The following LUZP2 variants were observed in gnomAD, a reference collection of about 807,000 sequenced individuals.
LUZP2 encodes the protein leucine zipper protein 2.
Under a neutral mutation model 51.6 loss-of-function variants are expected in LUZP2, and 52 were observed. The ratio of observed to expected loss-of-function variants is 1.01; its 90% confidence interval spans 0.81 to 1.27. The LOEUF (loss-of-function observed/expected upper bound fraction) is 1.27, where lower values mean the gene tolerates loss of function less well. Among genes scored for constraint, LUZP2 ranks in the 50% most tolerant of loss-of-function variants. The pLI is 0.00. For synonymous variants in LUZP2, 154 were observed against 137.3 expected, an observed-to-expected ratio of 1.12 and a Z score of -0.85; for missense variants, 436 against 395.4, an observed-to-expected ratio of 1.10 and a Z score of -0.87.
At chr11:24,587,499 G>A (rs1360180467) in intron 1 of LUZP2, among the ~76,000 whole-genome samples, 1 of 152,118 alleles carries the variant, frequency 6.6e-6, no homozygotes, top group African/African-American at 2.4e-5. Context: ...TTTAGAGAAA[G>A]TTTGTGATCA....
intron 1 of LUZP2, among the ~76,000 whole-genome samples, chr11:24,697,839 C>T (rs377622943): frequency 2.8e-4 from 42 of 152,128 alleles, no homozygotes; most frequent in African/African-American, 9.4e-4. Flanking sequence ...TAAGGTTGGT[C>T]TTGAGATATT....
chr11:24,632,250 T>C (rs1854922961), intron 1 of LUZP2, among the ~76,000 whole-genome samples: 1 of 152,030 alleles, frequency 6.6e-6, no homozygotes, highest in African/African-American at 2.4e-5. Flanking sequence ...GAATATTTAT[T>C]CATATATTTG....
At chr11:24,979,941 A>G (rs1855979536) in intron 8 of LUZP2, among the ~76,000 whole-genome samples, 1 of 151,800 alleles carries the variant, frequency 6.6e-6, no homozygotes, top group African/African-American at 2.4e-5. Context: ...TATAATAAAT[A>G]CTTCTTAATT....
intron 1 of LUZP2, among the ~76,000 whole-genome samples, chr11:24,591,162 T>C (rs1326818614): frequency 6.6e-6 from 1 of 152,158 alleles, no homozygotes; most frequent in African/African-American, 2.4e-5. Flanking sequence ...ATATCCTTAG[T>C]TCTTCATAAT....
In LUZP2 at chr11:25,050,291, C is replaced by CTTTTTT. The variant is rs71044331; in HGVS notation, c.858+184_858+189dup. ...TAAGAAAGTAAATGTTCTTTATGTT[C>CTTTTTT]TTTTTTTTTTTTTTTTTTTTTTTTT... On this transcript the variant is annotated intron_variant, in intron 10 of 11. Transcript: ENST00000336930. 2.2e-3 allele frequency among the ~76,000 whole-genome samples: 170 copies of CTTTTTT among 77,204 alleles called. 22 individuals carry two copies. Among genetic ancestry groups the CTTTTTT allele is most frequent in the Non-Finnish European group, 2.8e-3 (115 of 41,336 alleles). The allele number at this position is 77,204 out of a possible 152,430, so 50.6% of individuals were successfully genotyped here.
chr11:24,834,516 T>A (rs2716503), intron 5 of LUZP2, among the ~76,000 whole-genome samples: 1 of 152,110 alleles, frequency 6.6e-6, no homozygotes, highest in African/African-American at 2.4e-5. Context: ...TGGGTTGGTT[T>A]GAAGTCTTTG....
intron 10 of LUZP2, among the ~76,000 whole-genome samples, chr11:25,060,924 A>G (rs1858816577): frequency 2.0e-5 from 3 of 152,060 alleles, no homozygotes; most frequent in Admixed American, 2.0e-4. Context: ...TAAAATTTTT[A>G]TCTGAAATAT....
At chr11:24,752,999 G>A (rs1250764391) in intron 4 of LUZP2, among the ~76,000 whole-genome samples, 1 of 151,892 alleles carries the variant, frequency 6.6e-6, no homozygotes, top group South Asian at 2.1e-4. Flanking sequence ...AAAAGAATTG[G>A]CAACAACATT....
In LUZP2 at chr11:24,637,957, T is replaced by A. The variant is rs544738163; in HGVS notation, c.63-91212T>A. ...AATAAAAACTTACTGGTTTTGCAGC[T>A]CAGGGTCACCATCATGGTCCTACCA... On this transcript the variant is annotated intron_variant, in intron 1 of 11. Transcript: ENST00000336930. Among the ~76,000 whole-genome samples the A allele has an allele frequency of 1.7e-3, 260 of 151,924 alleles. 1 individual carries two copies. The highest frequency in any genetic ancestry group is 3.9e-3 in the Admixed American group (59 of 15,272).
chr11:24,829,309 A>G (rs1026339019), intron 5 of LUZP2, among the ~76,000 whole-genome samples: 1 of 152,186 alleles, frequency 6.6e-6, no homozygotes, highest in African/African-American at 2.4e-5. Flanking sequence ...TGAAGTCAGA[A>G]GAGAAGTAAA....
At chr11:25,026,658 CTG>C (rs1191691105) in intron 9 of LUZP2, among the ~76,000 whole-genome samples, 2 of 151,894 alleles carry the variant, frequency 1.3e-5, no homozygotes, top group Non-Finnish European at 2.9e-5. Context: ...TTCTTAAACT[CTG>C]GGTTGTAGTT....
chr11:25,022,858 A>G (rs1356543755), intron 9 of LUZP2, among the ~76,000 whole-genome samples: 2 of 152,120 alleles, frequency 1.3e-5, no homozygotes, highest in Admixed American at 6.6e-5. Context: ...TCTGGCATGA[A>G]AGGCTGTTGA....
intron 5 of LUZP2, among the ~76,000 whole-genome samples, chr11:24,790,174 G>A (rs1391700760): frequency 1.3e-5 from 2 of 151,974 alleles, no homozygotes; most frequent in African/African-American, 4.8e-5. Flanking sequence ...AGCCTACATT[G>A]CACACAGCTA....
chr11:24,729,324 A>G (rs1858620157), intron 2 of LUZP2, 38 bp downstream of exon 2: 6 of 1,115,320 alleles, frequency 5.4e-6, no homozygotes, highest in Non-Finnish European at 7.6e-6. Context: ...GTAAAAGAGG[A>G]GCAGTCATCT....
intron 9 of LUZP2, among the ~76,000 whole-genome samples, chr11:25,045,680 C>A (rs1858283432): frequency 6.6e-6 from 1 of 152,122 alleles, no homozygotes; most frequent in African/African-American, 2.4e-5. Flanking sequence ...TACTGAATAT[C>A]TATGCTAAAA....
rs1281013294 is a variant in LUZP2 at position 24,566,569 on chromosome 11, T to TGTATA, written c.62+69264_62+69265insGTATA. Among the ~76,000 whole-genome samples, 191 of 142,092 alleles carry TGTATA rather than the reference T, an allele frequency of 1.3e-3. 1 individual carries two copies. Among genetic ancestry groups the TGTATA allele is most frequent in the Non-Finnish European group, 2.0e-3 (133 of 66,712 alleles). 93.2% of individuals were successfully genotyped at this position (142,092 alleles called of 152,430 possible). ...ATATATATATGTATGTGTATATATA[T>TGTATA]CTATACACATATATATGTATGTGTG... On this transcript the variant is annotated intron_variant, in intron 1 of 11. Transcript: ENST00000336930.
rs532683756 is a variant in LUZP2 at position 24,580,128 on chromosome 11, C to T, written c.62+82823C>T. Among the ~76,000 whole-genome samples, 424 of 151,930 alleles carry T rather than the reference C, an allele frequency of 2.8e-3. 13 individuals carry two copies. The highest frequency in any genetic ancestry group is 0.014 in the Middle Eastern group (4 of 294). On this transcript the variant is annotated intron_variant, in intron 1 of 11. Coordinates refer to ENST00000336930, the MANE Select transcript of LUZP2 (RefSeq NM_001009909.4). ...TTCTGTTTAATAGGATTAAGATATCCCTAGTTCCCTGATGTTTAATGATGT... is the reference window on the plus strand; with the variant it reads ...TTCTGTTTAATAGGATTAAGATATCTCTAGTTCCCTGATGTTTAATGATGT...
At chr11:24,727,791 C>T (rs1006249784) in intron 1 of LUZP2, among the ~76,000 whole-genome samples, 1 of 151,666 alleles carries the variant, frequency 6.6e-6, no homozygotes, top group Non-Finnish European at 1.5e-5. Context: ...TGGGCCATTC[C>T]GATTTCCTTT....
At chr11:24,924,220 G>A (rs1352160481) in intron 7 of LUZP2, among the ~76,000 whole-genome samples, 1 of 152,018 alleles carries the variant, frequency 6.6e-6, no homozygotes, top group African/African-American at 2.4e-5. Flanking sequence ...TGGGACTACA[G>A]GCACGTGCCA....
Sources: gnomAD v4.1 joint callset for allele counts (sites outside exome capture counted in the v4.1 genomes callset) on GRCh38, gnomAD v4.1.1 for gene constraint, MANE v1.5 for transcripts, NCBI Gene and HGNC (gene_info 2026-07-23, HGNC 2026-07-21) for gene names.